Variants in AMTN observed in about 807,000 individuals in gnomAD.
The protein encoded by AMTN is RSTI689.
AMTN carries 29 observed loss-of-function variants against 27.4 expected under a neutral mutation model. The ratio of observed to expected loss-of-function variants is 1.06; its 90% CI spans 0.79 to 1.44. The LOEUF (loss-of-function observed/expected upper bound fraction) is 1.44. AMTN is among the 40% of genes most tolerant of loss of function. The pLI is 0.00. For synonymous variants in AMTN, 86 were observed against 95.7 expected, an observed-to-expected ratio of 0.90 and a Z score of 0.59; for missense variants, 247 against 248.8, an observed-to-expected ratio of 0.99 and a Z score of 0.05.
intron 5 of AMTN, among the ~76,000 whole-genome samples, chr4:70,526,797 A>T (rs937907213): frequency 6.6e-6 from 1 of 151,850 alleles, no homozygotes; most frequent in Non-Finnish European, 1.5e-5. Context: ...CACGTTGTAC[A>T]CTCTCTGTGC....
At chr4:70,526,942 G>C (rs993589536) in intron 5 of AMTN, among the ~76,000 whole-genome samples, 1 of 152,170 alleles carries the variant, frequency 6.6e-6, no homozygotes, top group Non-Finnish European at 1.5e-5. Flanking sequence ...CCTGTGCAGA[G>C]TGGCTTATTA....
chr4:70,528,291 A>T (rs886574038), intron 5 of AMTN, among the ~76,000 whole-genome samples: 10 of 152,262 alleles, frequency 6.6e-5, no homozygotes, highest in Middle Eastern at 3.4e-3. Flanking sequence ...CTATGAATTT[A>T]TATCTATGAT....
intron 6 of AMTN, among the ~76,000 whole-genome samples, 162 bp downstream of exon 6, chr4:70,528,920 A>G (rs1736156137): frequency 6.6e-6 from 1 of 152,206 alleles, no homozygotes; most frequent in South Asian, 2.1e-4. Context: ...GTTTTCTTCA[A>G]TGAACATCCA....
intron 2 of AMTN, among the ~76,000 whole-genome samples, chr4:70,520,496 A>G (rs911941119): frequency 3.3e-5 from 5 of 152,242 alleles, no homozygotes; most frequent in Non-Finnish European, 7.3e-5. Flanking sequence ...AATAAATACA[A>G]GACAAATCAA....
intron 5 of AMTN, among the ~76,000 whole-genome samples, chr4:70,525,482 CCT>C (rs1736082676): frequency 1.3e-5 from 2 of 152,186 alleles, no homozygotes; most frequent in Admixed American, 6.5e-5. Flanking sequence ...ACCTGAAAAT[CCT>C]CTTACACTAA....
chr4:70,528,779 T>G lies in AMTN; in HGVS notation c.330+21T>G, dbSNP rs773797126. 19 of 1,569,132 alleles carry G rather than the reference T, an allele frequency of 1.2e-5. 1 individual carries two copies. The highest frequency in any genetic ancestry group is 1.8e-4 in the Middle Eastern group (1 of 5,608). On this transcript the variant is annotated intron_variant, in intron 6 of 8. Transcript: ENST00000339336. The stretch of plus-strand genomic sequence containing the variant: ...CCCAGGTAAAAATTATGCTTAATAT[T>G]GTCTTGATTTTAAATCACCTTGCTG...
chr4:70,521,625 A>C (rs970918484), intron 2 of AMTN, among the ~76,000 whole-genome samples: 3 of 141,612 alleles, frequency 2.1e-5, no homozygotes, highest in African/African-American at 7.8e-5. Context: ...CCTAGAACAG[A>C]TAATACCAAC....
In AMTN at chr4:70,531,105, G is replaced by T; in HGVS notation, c.424G>T (p.Ala142Ser). 3 of 1,614,054 alleles carry T rather than the reference G, an allele frequency of 1.9e-6. No individual in the cohort carries two copies. Among genetic ancestry groups the T allele is most frequent in the South Asian group, 2.2e-5 (2 of 91,070 alleles). ...GGGAGGCATCCTGCCCACCAGTCAG[G>T]CAGGGGCTAATCCAGATGTCCAGGA... The part of the protein sequence containing the change: ...FPGGILPTSQ[A>S]GANPDVQDGS... Residue 142 changes from alanine (A) to serine (S), a missense_variant, in exon 8 of 9, where the codon GCA becomes TCA. By Grantham distance (99) the Ala-to-Ser change is moderately conservative (BLOSUM62 1). Coordinates refer to ENST00000339336, the MANE Select transcript of AMTN (RefSeq NM_212557.4).
chr4:70,521,860 T>C (rs1735978154), intron 2 of AMTN, among the ~76,000 whole-genome samples: 1 of 151,986 alleles, frequency 6.6e-6, no homozygotes, highest in South Asian at 2.1e-4. Context: ...CCTCAAGTGG[T>C]CCGCCCGCCT....
At chr4:70,525,084 T>C in intron 5 of AMTN, 123 bp downstream of exon 5, 12 of 785,234 alleles carry the variant, frequency 1.5e-5, no homozygotes, top group Non-Finnish European at 2.3e-5. Context: ...CTGACGAATG[T>C]TCTGCTGAAC....
At chr4:70,528,536 G>C (rs1446691676) in intron 5 of AMTN, among the ~76,000 whole-genome samples, 187 bp from the exon 6 acceptor site, 1 of 152,100 alleles carries the variant, frequency 6.6e-6, no homozygotes, top group African/African-American at 2.4e-5. Context: ...TGTAATCCCA[G>C]CTACTCAGGA....
intron 4 of AMTN, 78 bp downstream of exon 4, chr4:70,524,011 T>A: frequency 8.4e-7 from 1 of 1,189,424 alleles, no homozygotes; most frequent in Non-Finnish European, 1.2e-6. Flanking sequence ...GGGGAGCATG[T>A]ATATGGGTGC....
Position 70,520,519 on chromosome 4 carries a change from T to C in AMTN, c.54+1688T>C, listed in dbSNP as rs538250573. 2.0e-5 allele frequency among the ~76,000 whole-genome samples: 3 copies of C among 152,280 alleles called. No individual in the cohort carries two copies. The East Asian group carries it at 5.8e-4, about 29-fold the overall frequency. On this transcript the variant is annotated intron_variant, in intron 2 of 8. Transcript: ENST00000339336. ...CAAGACAAATCAAATTTACAGAAAG[T>C]GAAGGCTCTAGAAGAAAACAAGATT...
intron 8 of AMTN, 24 bp downstream of exon 8, chr4:70,531,324 T>G (rs1736219582): frequency 1.2e-6 from 2 of 1,612,130 alleles, no homozygotes; most frequent in South Asian, 1.1e-5. Flanking sequence ...GCTTGGAACA[T>G]GCTTCTTGGC....
Position 70,531,279 on chromosome 4 carries a change from G to A in AMTN, c.598G>A (p.Ala200Thr). The A allele has an allele frequency of 6.2e-7, 1 of 1,613,866 alleles. No homozygotes were observed. Among genetic ancestry groups the A allele is most frequent in the East Asian group, 2.2e-5 (1 of 44,860 alleles). The change falls in exon 8 of 9, where the codon GCC (alanine) becomes ACC (threonine). Residue 200 changes from alanine (A) to threonine (T), a missense_variant. Coordinates refer to ENST00000339336, the MANE Select transcript of AMTN (RefSeq NM_212557.4). ...IQRSTHAIEE[A>T]TTESANGIQ ...AAGGAGCACACATGCCATCGAGGAA[G>A]CCACCACAGAATCAGCAAATGGTAA...
At chr4:70,531,326 CT>C in intron 8 of AMTN, 26 bp downstream of exon 8, 1 of 1,611,320 alleles carries the variant, frequency 6.2e-7, no homozygotes, top group Non-Finnish European at 8.5e-7. Flanking sequence ...TTGGAACATG[CT>C]TCTTGGCTAT....
Position 70,522,764 on chromosome 4 carries a change from C to A in AMTN, c.64C>A (p.Pro22Thr), listed in dbSNP as rs1577932394. ...GSTRSLPQLK[P>T]ALGLPPTKLA... Reference sequence around the variant, plus strand: ...TTTGTTTTCACAAAAGCAGCTCAAACCTGCTTTGGGACTCCCTCCCACAAA... The same window carrying A: ...TTTGTTTTCACAAAAGCAGCTCAAAACTGCTTTGGGACTCCCTCCCACAAA... The change falls in exon 3 of 9, where the codon CCT becomes ACT. Residue 22 changes from proline (P) to threonine (T), a missense_variant. Pro to Thr is a conservative substitution (Grantham distance 38). Coordinates refer to ENST00000339336, the MANE Select transcript of AMTN (RefSeq NM_212557.4). 1 of 1,613,900 alleles carries A rather than the reference C, an allele frequency of 6.2e-7. No homozygotes were observed. The highest frequency in any genetic ancestry group is 1.1e-5 in the South Asian group (1 of 91,084).
chr4:70,532,473 C>A lies in AMTN; in HGVS notation c.*8C>A, dbSNP rs948526625. The stretch of plus-strand genomic sequence containing the variant: ...CTTCCAGGAATTCAGTAAGCTGTTT[C>A]AAATTTTTTCAACTAAGCTGCCTCG... On this transcript the variant is annotated 3_prime_UTR_variant, in exon 9 of 9. Transcript: ENST00000339336. The A allele has an allele frequency of 1.2e-6, 2 of 1,606,556 alleles. No homozygotes were observed. The highest frequency in any genetic ancestry group is 1.7e-5 in the Admixed American group (1 of 59,334).
At chr4:70,523,776 A>C in intron 3 of AMTN, 92 bp from the exon 4 acceptor site, 1 of 1,114,606 alleles carries the variant, frequency 9.0e-7, no homozygotes, top group Non-Finnish European at 1.3e-6. Context: ...CACCTCTGAC[A>C]GGACTGTCAA....
Sources: allele counts gnomAD v4.1 joint callset (sites outside exome capture counted in the v4.1 genomes callset), GRCh38; gene constraint gnomAD v4.1.1; transcripts MANE v1.5; gene names NCBI Gene and HGNC (gene_info 2026-07-23, HGNC 2026-07-21).